Variants in STIM2 observed in about 807,000 individuals in gnomAD.
STIM2 encodes the protein stromal interaction molecule 2.
Under a neutral mutation model 85.8 loss-of-function variants are expected in STIM2, and 31 were observed. That is an observed-to-expected ratio of 0.36 (90% CI 0.27 to 0.49). The LOEUF (loss-of-function observed/expected upper bound fraction) is 0.49. Ranked by LOEUF, STIM2 falls within the 20% of genes least tolerant of loss-of-function variation. The pLI is 0.98. For synonymous variants in STIM2, 356 were observed against 331.1 expected, an observed-to-expected ratio of 1.08 and a Z score of -0.82; for missense variants, 841 against 927.6, an observed-to-expected ratio of 0.91 and a Z score of 1.21.
chr4:26,978,289 A>T (rs1727271687), intron 3 of STIM2, among the ~76,000 whole-genome samples: 1 of 148,290 alleles, frequency 6.7e-6, no homozygotes, highest in African/African-American at 2.4e-5. Context: ...ATTTTCATAT[A>T]TATGAAAATA....
At chr4:27,018,850 A>G (rs2062313009) in intron 11 of STIM2, among the ~76,000 whole-genome samples, 1 of 152,244 alleles carries the variant, frequency 6.6e-6, no homozygotes, top group South Asian at 2.1e-4. Flanking sequence ...ACTTAAAAAT[A>G]TTTGTTGTCA....
At chr4:26,919,367 C>G in intron 1 of STIM2, 137 bp from the exon 2 acceptor site, 2 of 1,064,526 alleles carry the variant, frequency 1.9e-6, no homozygotes, top group Non-Finnish European at 2.7e-6. Context: ...GAAGAATATT[C>G]TGTTAGACGT....
intron 1 of STIM2, among the ~76,000 whole-genome samples, chr4:26,896,082 G>C (rs28520489): frequency 0.3 from 45,217 of 152,002 alleles, 7,071 homozygotes; most frequent in East Asian, 0.41. Flanking sequence ...TGAGGTAATT[G>C]AGTTCCTTGT....
chr4:26,939,091 G>C (rs950922838), intron 2 of STIM2, among the ~76,000 whole-genome samples: 3 of 152,028 alleles, frequency 2.0e-5, no homozygotes, highest in African/African-American at 7.3e-5. Flanking sequence ...TACCCTGCTT[G>C]TTCCCTGTAT....
intron 1 of STIM2, among the ~76,000 whole-genome samples, chr4:26,919,195 A>G (rs1406133119): frequency 6.6e-6 from 1 of 151,872 alleles, no homozygotes; most frequent in African/African-American, 2.4e-5. Flanking sequence ...AATCATGATT[A>G]GTAAATATTC....
intron 2 of STIM2, among the ~76,000 whole-genome samples, chr4:26,934,769 T>G (rs1725332634): frequency 6.6e-6 from 1 of 151,912 alleles, no homozygotes; most frequent in Non-Finnish European, 1.5e-5. Flanking sequence ...CAAAATTAGA[T>G]GGGCATATTG....
At chr4:26,951,549 CTGT>C (rs1726051984) in intron 2 of STIM2, among the ~76,000 whole-genome samples, 2 of 152,068 alleles carry the variant, frequency 1.3e-5, no homozygotes, top group Admixed American at 1.3e-4. Context: ...ATCTTGAAAA[CTGT>C]TGTTTGTATA....
chr4:26,954,787 T>G (rs1726182142), intron 2 of STIM2, among the ~76,000 whole-genome samples: 2 of 148,076 alleles, frequency 1.4e-5, no homozygotes, highest in South Asian at 4.3e-4. Context: ...TTATACTGGT[T>G]TCTAGTCACA....
chr4:26,960,613 G>A (rs1726414684), intron 3 of STIM2, among the ~76,000 whole-genome samples: 1 of 152,106 alleles, frequency 6.6e-6, no homozygotes, highest in African/African-American at 2.4e-5. Context: ...TTTGAGTACA[G>A]GCATTTCTGT....
Position 27,025,304 on chromosome 4 carries a change from A to T in STIM2, c.*2308A>T, listed in dbSNP as rs1729049275. On this transcript the variant is annotated 3_prime_UTR_variant, in exon 12 of 12. Transcript: ENST00000467087. The stretch of plus-strand genomic sequence containing the variant: ...AAGTTGGACATTTCTGTAAGTTTTT[A>T]AAATTATCCATTTGTTACTTTAACA... 1 of 152,006 alleles carries T rather than the reference A, an allele frequency of 6.6e-6. No homozygotes were observed. The highest frequency in any genetic ancestry group is 2.1e-4 in the South Asian group (1 of 4,816). The allele number at this position is 152,006 out of a possible 1,614,324, so 9.4% of individuals were successfully genotyped here.
chr4:26,929,355 A>G (rs1355015895), intron 2 of STIM2, among the ~76,000 whole-genome samples: 1 of 152,138 alleles, frequency 6.6e-6, no homozygotes, highest in Non-Finnish European at 1.5e-5. Flanking sequence ...TCAGTTCAAT[A>G]TAGGTGCATT....
intron 2 of STIM2, among the ~76,000 whole-genome samples, chr4:26,956,497 G>A (rs1013709501): frequency 2.0e-5 from 3 of 150,178 alleles, no homozygotes; most frequent in Admixed American, 6.7e-5. Context: ...AGGTTGGAGT[G>A]CAGTGGTGCA....
intron 3 of STIM2, among the ~76,000 whole-genome samples, chr4:26,974,021 T>C (rs1408808332): frequency 6.6e-6 from 1 of 152,224 alleles, no homozygotes; most frequent in Non-Finnish European, 1.5e-5. Flanking sequence ...TTTTTCTTGG[T>C]TTAAAGTCTG....
At chr4:27,019,358 T>C (rs892115019) in intron 11 of STIM2, 2 of 1,179,638 alleles carry the variant, frequency 1.7e-6, no homozygotes, top group African/African-American at 3.1e-5. Flanking sequence ...GCGACTTTGC[T>C]TGGTTAACAC....
rs1217129195 is a variant in STIM2 at position 26,957,645 on chromosome 4, A to G, written c.316A>G (p.Thr106Ala). Reference sequence around the variant, plus strand: ...AGAAGATATGAAATATAAAGATGCTACTAATAAACACAGCCATCTGCACAG... The same window carrying G: ...AGAAGATATGAAATATAAAGATGCTGCTAATAAACACAGCCATCTGCACAG... Residue 106 changes from threonine (T) to alanine (A), a missense_variant, in exon 3 of 12, where the codon ACT becomes GCT. Transcript: ENST00000467087. The G allele has an allele frequency of 2.5e-6, 4 of 1,579,082 alleles. No individual in the cohort carries two copies. The highest frequency in any genetic ancestry group is 3.4e-6 in the Non-Finnish European group (4 of 1,167,018).
At chr4:27,015,373 C>T (rs1057444633) in intron 10 of STIM2, among the ~76,000 whole-genome samples, 1 of 151,920 alleles carries the variant, frequency 6.6e-6, no homozygotes, top group African/African-American at 2.4e-5. Flanking sequence ...TTGTTTCTTT[C>T]AGTCATAATT....
chr4:26,986,481 T>C (rs1727590693), intron 3 of STIM2, among the ~76,000 whole-genome samples: 1 of 152,234 alleles, frequency 6.6e-6, no homozygotes, highest in Non-Finnish European at 1.5e-5. Context: ...TACAGGCATA[T>C]GGCTAAGTGC....
intron 5 of STIM2, among the ~76,000 whole-genome samples, chr4:27,000,375 C>T (rs1728109761): frequency 6.6e-6 from 1 of 152,184 alleles, no homozygotes; most frequent in Non-Finnish European, 1.5e-5. Flanking sequence ...TAGAACACTA[C>T]TGAAATGCCG....
chr4:27,001,739 A>T (rs1728164721), intron 5 of STIM2, among the ~76,000 whole-genome samples: 1 of 152,168 alleles, frequency 6.6e-6, no homozygotes, highest in African/African-American at 2.4e-5. Context: ...ACCTAACCTA[A>T]TTAGTTATAT....
Sources: gnomAD v4.1 joint callset for allele counts (sites outside exome capture counted in the v4.1 genomes callset) on GRCh38, gnomAD v4.1.1 for gene constraint, MANE v1.5 for transcripts, NCBI Gene and HGNC (gene_info 2026-07-23, HGNC 2026-07-21) for gene names.